Variants in GABBR2 observed in about 807,000 individuals in gnomAD.
The protein encoded by GABBR2 is gamma-aminobutyric acid type B receptor subunit 2.
A neutral mutation model predicts 105.6 loss-of-function variants in GABBR2; 23 were observed. The observed-to-expected ratio is 0.22, with a 90% CI of 0.16 to 0.31. The LOEUF (loss-of-function observed/expected upper bound fraction) is 0.31, where lower values mean the gene tolerates loss of function less well. GABBR2 is among the 10% of genes least tolerant of loss of function. GABBR2 has a pLI of 1.00. For missense variants in GABBR2, 734 were observed against 1,245.5 expected, an observed-to-expected ratio of 0.59 and a Z score of 6.18; for synonymous variants, 478 against 499.7, an observed-to-expected ratio of 0.96 and a Z score of 0.58.
intron 1 of GABBR2, among the ~76,000 whole-genome samples, chr9:98,701,611 CA>C (rs1830830684): frequency 4.6e-5 from 7 of 152,162 alleles, no homozygotes; most frequent in African/African-American, 1.7e-4. Flanking sequence ...GCAGGCTGCT[CA>C]TTAAGCTCCA....
chr9:98,455,907 G>T (rs950879533), intron 6 of GABBR2, among the ~76,000 whole-genome samples: 4 of 152,160 alleles, frequency 2.6e-5, no homozygotes, highest in African/African-American at 9.7e-5. Flanking sequence ...TCCTGTTTCA[G>T]GGTCCTCCTG....
At chr9:98,527,107 T>TA (rs567430073) in intron 3 of GABBR2, among the ~76,000 whole-genome samples, 11 of 141,382 alleles carry the variant, frequency 7.8e-5, no homozygotes, top group South Asian at 2.3e-4. Flanking sequence ...AATATATATA[T>TA]TATATATATA....
At chr9:98,485,537 C>G (rs1299981995) in intron 4 of GABBR2, among the ~76,000 whole-genome samples, 1 of 152,038 alleles carries the variant, frequency 6.6e-6, no homozygotes, top group African/African-American at 2.4e-5. Flanking sequence ...CACACACACT[C>G]ACGCACGCAC....
At chr9:98,485,598 GT>G (rs1827029098) in intron 4 of GABBR2, among the ~76,000 whole-genome samples, 1 of 152,116 alleles carries the variant, frequency 6.6e-6, no homozygotes, top group Admixed American at 6.5e-5. Context: ...TGTACCCCCA[GT>G]TTGCAAGCAA....
At chr9:98,585,601 C>A (rs1271768748) in intron 1 of GABBR2, among the ~76,000 whole-genome samples, 1 of 151,602 alleles carries the variant, frequency 6.6e-6, no homozygotes, top group Non-Finnish European at 1.5e-5. Flanking sequence ...TGTAACAAAC[C>A]TGCACGTTGT....
intron 5 of GABBR2, 100 bp downstream of exon 5, chr9:98,480,832 C>T (rs1167864512): frequency 6.5e-6 from 5 of 764,528 alleles, no homozygotes; most frequent in Admixed American, 1.8e-5. Flanking sequence ...AGGCTCCAGT[C>T]CTGTGATCCC....
At chr9:98,678,254 C>T (rs189916602) in intron 1 of GABBR2, among the ~76,000 whole-genome samples, 3 of 152,158 alleles carry the variant, frequency 2.0e-5, no homozygotes, top group Non-Finnish European at 2.9e-5. Flanking sequence ...TTGTTTTCAT[C>T]CTGCTTTAGA....
chr9:98,598,857 A>G (rs1210368980), intron 1 of GABBR2, among the ~76,000 whole-genome samples: 1 of 152,180 alleles, frequency 6.6e-6, no homozygotes, highest in Admixed American at 6.5e-5. Context: ...AGATGGGCAG[A>G]ATTTTCCCTG....
intron 6 of GABBR2, among the ~76,000 whole-genome samples, chr9:98,459,654 A>G (rs112151447): frequency 9.7e-4 from 148 of 152,130 alleles, no homozygotes; most frequent in African/African-American, 2.9e-3. Flanking sequence ...AAGCCAAGCA[A>G]AAGAGCCAAG....
chr9:98,706,222 T>A (rs1830892494), intron 1 of GABBR2, among the ~76,000 whole-genome samples: 1 of 152,032 alleles, frequency 6.6e-6, no homozygotes, highest in Admixed American at 6.5e-5. Context: ...TCAGGGCATC[T>A]TCTACCCTGG....
rs116598520 is a variant in GABBR2 at position 98,338,056 on chromosome 9, G to A, written c.1893+24659C>T. On this transcript the variant is annotated intron_variant, in intron 13 of 18. Transcript: ENST00000259455. ...AAAACAAACAAGTGGTGCTTGCACA[G>A]CTATATATCCACGTGCAAAATAATT... 3.6e-3 allele frequency among the ~76,000 whole-genome samples: 546 copies of A among 152,266 alleles called. 6 individuals are homozygous for A. Among genetic ancestry groups the A allele is most frequent in the African/African-American group, 0.013 (526 of 41,554 alleles).
At chr9:98,440,679 G>A (rs1485041880) in intron 7 of GABBR2, among the ~76,000 whole-genome samples, 2 of 152,234 alleles carry the variant, frequency 1.3e-5, no homozygotes, top group Non-Finnish European at 2.9e-5. Context: ...TCATGAGAAA[G>A]TGGACACTTC....
At chr9:98,594,844 A>G (rs1829209242) in intron 1 of GABBR2, among the ~76,000 whole-genome samples, 1 of 152,240 alleles carries the variant, frequency 6.6e-6, no homozygotes, top group Non-Finnish European at 1.5e-5. Context: ...CATGGGGCAG[A>G]AGCTCGAGCC....
intron 3 of GABBR2, among the ~76,000 whole-genome samples, chr9:98,513,831 T>C (rs982423574): frequency 6.6e-6 from 1 of 152,130 alleles, no homozygotes; most frequent in Non-Finnish European, 1.5e-5. Context: ...AGTTCAACCA[T>C]TGTGGAAGTC....
intron 5 of GABBR2, among the ~76,000 whole-genome samples, chr9:98,478,716 C>T (rs1000967521): frequency 4.6e-5 from 7 of 152,184 alleles, no homozygotes; most frequent in African/African-American, 1.7e-4. Flanking sequence ...CACCCCAGTG[C>T]GTGGCAGAGT....
At chr9:98,315,977 G>A (rs935189541) in intron 13 of GABBR2, among the ~76,000 whole-genome samples, 2 of 152,242 alleles carry the variant, frequency 1.3e-5, no homozygotes, top group African/African-American at 4.8e-5. Context: ...CCTGTTCCCA[G>A]TGTGGACTGT....
intron 1 of GABBR2, among the ~76,000 whole-genome samples, chr9:98,707,801 G>A (rs988336506): frequency 1.3e-5 from 2 of 152,224 alleles, no homozygotes; most frequent in Non-Finnish European, 2.9e-5. Flanking sequence ...AGGCAGCGCC[G>A]GGCACGTCCA....
chr9:98,299,522 C>T (rs1036247278), intron 16 of GABBR2, among the ~76,000 whole-genome samples, 169 bp from the exon 17 acceptor site: 5 of 152,142 alleles, frequency 3.3e-5, no homozygotes, highest in African/African-American at 4.8e-5. Context: ...AGGATCCTGG[C>T]GGCTCTTTGT....
intron 11 of GABBR2, among the ~76,000 whole-genome samples, chr9:98,376,272 A>AACATGAAAATGG: frequency 6.6e-6 from 1 of 152,350 alleles, no homozygotes. Context: ...TCTGGGGATC[A>AACATGAAAATGG]ACATGAAAAT....
Sources: allele counts gnomAD v4.1 joint callset (sites outside exome capture counted in the v4.1 genomes callset), GRCh38; gene constraint gnomAD v4.1.1; transcripts MANE v1.5; gene names NCBI Gene and HGNC (gene_info 2026-07-23, HGNC 2026-07-21).